FBXL13: variants seen among roughly 807,000 people sequenced by gnomAD.
The protein encoded by FBXL13 is F-box and leucine rich repeat protein 13.
A neutral mutation model predicts 83.6 loss-of-function variants in FBXL13; 67 were observed. The observed-to-expected ratio is 0.80, with a 90% CI of 0.66 to 0.98. The LOEUF is 0.98. FBXL13 is among the 50% of genes least tolerant of loss of function. The pLI, the probability that FBXL13 is intolerant of heterozygous loss-of-function variation, is 0.00. For missense variants in FBXL13, 822 were observed against 866.5 expected (o/e 0.95, Z 0.64); for synonymous variants, 272 against 299.5 (o/e 0.91, Z 0.95).
chr7:102,881,729 T>C (rs1450413278), intron 14 of FBXL13, among the ~76,000 whole-genome samples: 1 of 151,956 alleles, frequency 6.6e-6, no homozygotes, highest in Non-Finnish European at 1.5e-5. Flanking sequence ...CTCTCATGAG[T>C]GTGTAGTCAA....
intron 6 of FBXL13, among the ~76,000 whole-genome samples, chr7:102,982,974 C>A (rs780547657): frequency 2.6e-5 from 4 of 152,148 alleles, no homozygotes; most frequent in African/African-American, 4.8e-5. Context: ...CCCTCATTAT[C>A]CATTTCCACA....
chr7:102,974,453 T>C (rs1379885267), intron 6 of FBXL13, among the ~76,000 whole-genome samples: 2 of 152,084 alleles, frequency 1.3e-5, no homozygotes, highest in Non-Finnish European at 2.9e-5. Context: ...CCTCCTTGTC[T>C]TTTTTTGCAA....
At chr7:102,861,582 A>G (rs940547635) in intron 16 of FBXL13, among the ~76,000 whole-genome samples, 6 of 152,236 alleles carry the variant, frequency 3.9e-5, no homozygotes, top group East Asian at 1.9e-4. Flanking sequence ...TTAAAAAGTA[A>G]TTTGTTGAGA....
intron 6 of FBXL13, among the ~76,000 whole-genome samples, chr7:103,005,661 C>G (rs1011598374): frequency 6.6e-6 from 1 of 152,164 alleles, no homozygotes; most frequent in African/African-American, 2.4e-5. Context: ...TCTGGTGTTT[C>G]TTTCTCTTCT....
At chr7:102,871,736 T>C (rs1808564067) in intron 16 of FBXL13, among the ~76,000 whole-genome samples, 1 of 152,078 alleles carries the variant, frequency 6.6e-6, no homozygotes, top group South Asian at 2.1e-4. Flanking sequence ...TTTAAGTCAA[T>C]TCTTATCCTC....
intron 17 of FBXL13, among the ~76,000 whole-genome samples, chr7:102,839,601 C>T (rs760142066): frequency 2.0e-5 from 3 of 152,088 alleles, no homozygotes; most frequent in Non-Finnish European, 2.9e-5. Context: ...GTGTCTGCCA[C>T]CACGCCCAGC....
At chr7:103,005,737 C>G (rs1419984599) in intron 6 of FBXL13, among the ~76,000 whole-genome samples, 3 of 152,122 alleles carry the variant, frequency 2.0e-5, no homozygotes, top group Admixed American at 2.0e-4. Context: ...TTTTCATCAA[C>G]TCTCCACAGG....
At chr7:103,066,583 C>T (rs1249821236) in intron 1 of FBXL13, among the ~76,000 whole-genome samples, 1 of 150,982 alleles carries the variant, frequency 6.6e-6, no homozygotes, top group South Asian at 2.1e-4. Context: ...TTAGTAGAGA[C>T]GAGGTTTTAC....
At chr7:103,063,634 G>T (rs977339628) in intron 1 of FBXL13, among the ~76,000 whole-genome samples, 2 of 146,778 alleles carry the variant, frequency 1.4e-5, no homozygotes, top group African/African-American at 5.0e-5. Flanking sequence ...TTACTATAAA[G>T]AAAACTGAAG....
intron 10 of FBXL13, among the ~76,000 whole-genome samples, chr7:102,917,159 G>T (rs1460713179): frequency 6.6e-6 from 1 of 152,180 alleles, no homozygotes; most frequent in African/African-American, 2.4e-5. Context: ...TAAATGGAGT[G>T]ATCTGGCCTT....
chr7:103,015,949 C>T (rs1792255570), intron 6 of FBXL13, among the ~76,000 whole-genome samples: 1 of 151,998 alleles, frequency 6.6e-6, no homozygotes, highest in Admixed American at 6.6e-5. Context: ...CCAGCTATAA[C>T]CAAGGAGGTG....
At chr7:103,013,979 A>G (rs1791952326) in intron 6 of FBXL13, among the ~76,000 whole-genome samples, 1 of 152,194 alleles carries the variant, frequency 6.6e-6, no homozygotes, top group South Asian at 2.1e-4. Context: ...CCAGAAATAC[A>G]AAAAACCCTC....
chr7:103,028,437 CCTT>C (rs1794168100), intron 4 of FBXL13, among the ~76,000 whole-genome samples, 160 bp downstream of exon 5: 1 of 152,060 alleles, frequency 6.6e-6, no homozygotes, highest in Non-Finnish European at 1.5e-5. Flanking sequence ...AGACAAATCT[CCTT>C]AAGTATTTTT....
chr7:102,898,349 C>T (rs1044805718), intron 11 of FBXL13, among the ~76,000 whole-genome samples: 2 of 152,112 alleles, frequency 1.3e-5, no homozygotes, highest in African/African-American at 4.8e-5. Flanking sequence ...TTCTTTTCTT[C>T]TCTCTTTTTG....
At chr7:103,016,552 G>T (rs1231541540) in intron 6 of FBXL13, among the ~76,000 whole-genome samples, 1 of 152,084 alleles carries the variant, frequency 6.6e-6, no homozygotes. Flanking sequence ...GAAGCATAAG[G>T]GGTCAGGGAA....
At chr7:102,870,986 G>T (rs1282550647) in intron 16 of FBXL13, among the ~76,000 whole-genome samples, 3 of 152,102 alleles carry the variant, frequency 2.0e-5, no homozygotes, top group Admixed American at 2.0e-4. Flanking sequence ...AGACACTGTT[G>T]TTATTCCCAT....
chr7:102,913,061 G>C, intron 11 of FBXL13, 25 bp downstream of exon 12: 1 of 1,613,942 alleles, frequency 6.2e-7, no homozygotes, highest in South Asian at 1.1e-5. Context: ...ACACACCGCA[G>C]CAAAGAGAAG....
chr7:103,036,647 G>A lies in FBXL13; in HGVS notation c.1-7229C>T, dbSNP rs555181929. The stretch of plus-strand genomic sequence containing the variant: ...GTGCCTTAGTCTCCTCAGTAACTGG[G>A]ATTACAGGTGTGCACCACCACACGT... On this transcript the variant is annotated intron_variant, in intron 2 of 19. Transcript: ENST00000313221. Among the ~76,000 whole-genome samples, 6 of 152,170 alleles carry A rather than the reference G, an allele frequency of 3.9e-5. No homozygotes were observed. The South Asian group carries it at 1.2e-3, about 32-fold the overall frequency.
At chr7:102,934,044 C>T (rs747092240) in intron 8 of FBXL13, 8 of 1,614,036 alleles carry the variant, frequency 5.0e-6, no homozygotes, top group South Asian at 4.4e-5. Context: ...GGCTCCAACC[C>T]GGTCAAACGC....
Sources: gnomAD v4.1 joint callset for allele counts (sites outside exome capture counted in the v4.1 genomes callset) on GRCh38, gnomAD v4.1.1 for gene constraint, MANE v1.5 for transcripts, NCBI Gene and HGNC (gene_info 2026-07-23, HGNC 2026-07-21) for gene names.